SHFL: variants seen among roughly 807,000 people sequenced by gnomAD.
SHFL encodes the protein shiftless antiviral inhibitor of ribosomal frameshifting.
SHFL carries 12 observed loss-of-function variants against 34.7 expected under a neutral mutation model. The observed-to-expected ratio is 0.35, with a 90% CI of 0.22 to 0.56. The LOEUF is 0.56. Among genes scored for constraint, SHFL ranks in the 20% least tolerant of loss-of-function variants. The probability of loss-of-function intolerance (pLI) is 0.88; values close to 1 mark genes in which losing one functional copy is unlikely to be tolerated. For synonymous variants in SHFL, 148 were observed against 156.0 expected (o/e 0.95, Z 0.38); for missense variants, 278 against 411.1 (o/e 0.68, Z 2.80).
At position 10,089,706 on chromosome 19, in the gene SHFL, G is replaced by A; in HGVS notation, c.234+11G>A. The A allele has an allele frequency of 4.4e-6, 7 of 1,596,438 alleles. No homozygotes were observed. The highest frequency in any genetic ancestry group is 1.3e-5 in the African/African-American group (1 of 74,830). Reference sequence around the variant, plus strand: ...GACCGGGACATTCAGGTGAGTTGGTGGCTAGGGCTTGGGATGGGGGAGTTG... The same window carrying A: ...GACCGGGACATTCAGGTGAGTTGGTAGCTAGGGCTTGGGATGGGGGAGTTG... On this transcript the variant is annotated intron_variant, in intron 4 of 7. Coordinates refer to ENST00000253110, the MANE Select transcript of SHFL (RefSeq NM_018381.4).
At position 10,086,494 on chromosome 19, in the gene SHFL, C is replaced by T. The variant is rs758773953; in HGVS notation, c.21+46C>T. The T allele has an allele frequency of 4.5e-6, 6 of 1,341,232 alleles. No homozygotes were observed. The highest frequency in any genetic ancestry group is 9.6e-7 in the Non-Finnish European group (1 of 1,039,624). 83.1% of individuals were successfully genotyped at this position (1,341,232 alleles called of 1,614,324 possible). On this transcript the variant is annotated intron_variant, in intron 1 of 7. Transcript: ENST00000253110. The surrounding 1 kb of genome is among the most constrained non-coding windows in gnomAD (Gnocchi z 5.2). The stretch of plus-strand genomic sequence containing the variant: ...GGCCGGGGTCAGCCGCGACAGACCC[C>T]GAGGAGCGGCCGGGAGGCGCGGAGG...
Position 10,091,976 on chromosome 19 carries a change from C to T in SHFL, c.644-94C>T. On this transcript the variant is annotated intron_variant, in intron 7 of 7. Coordinates refer to ENST00000253110, the MANE Select transcript of SHFL (RefSeq NM_018381.4). The surrounding 1 kb of genome is among the most constrained non-coding windows in gnomAD (Gnocchi z 8.2). The stretch of plus-strand genomic sequence containing the variant: ...TGGTCCCCGTATCTGGTGGTCTCAG[C>T]TCCTCCCTAGAGCCCCGCGTGGCCT... 1.3e-6 allele frequency: 2 copies of T among 1,490,580 alleles called. No homozygotes were observed. The highest frequency in any genetic ancestry group is 4.5e-5 in the East Asian group (2 of 44,170). 92.3% of individuals were successfully genotyped at this position (1,490,580 alleles called of 1,614,324 possible). A position where few individuals can be genotyped will look rare whatever the true frequency, so the allele number is the denominator to read the frequency against.
Position 10,086,326 on chromosome 19 carries a change from C to T in SHFL, c.-102C>T. The stretch of plus-strand genomic sequence containing the variant: ...GGGCGGAGCCGGCCCCGAGGCACCG[C>T]CCCCTGCCCTGCGCGGCTGCTGGAC... On this transcript the variant is annotated 5_prime_UTR_variant, in exon 1 of 8. Transcript: ENST00000253110. The surrounding 1 kb of genome is among the most constrained non-coding windows in gnomAD (Gnocchi z 5.2). 9.2e-7 allele frequency: 1 copy of T among 1,090,592 alleles called. No individual in the cohort carries two copies. The allele number at this position is 1,090,592 out of a possible 1,614,324, so 67.6% of individuals were successfully genotyped here. A position where few individuals can be genotyped will look rare whatever the true frequency, so the allele number is the denominator to read the frequency against.
In SHFL at chr19:10,086,970, G is replaced by A. The variant is rs1419264567; in HGVS notation, c.63G>A (p.Gly21=). ...GGCGCCTCCGGGAGAAGTTTCATGGGAAGGTATCCTCCAAGAAGGCGGGGG... is the reference window on the plus strand; with the variant it reads ...GGCGCCTCCGGGAGAAGTTTCATGGAAAGGTATCCTCCAAGAAGGCGGGGG... ...SVRRLREKFH[G]KVSSKKAGAL... is the part of the protein sequence containing the mutation. Residue 21 remains glycine (G), a synonymous_variant, in exon 2 of 8, where the codon GGG becomes GGA. Coordinates refer to ENST00000253110, the MANE Select transcript of SHFL (RefSeq NM_018381.4). The surrounding 1 kb of genome is among the most constrained non-coding windows in gnomAD (Gnocchi z 5.2). 1.2e-6 allele frequency: 2 copies of A among 1,613,700 alleles called. No individual in the cohort carries two copies. Among genetic ancestry groups the A allele is most frequent in the Admixed American group, 1.7e-5 (1 of 59,992 alleles).
At chr19:10,088,356 A>G (rs1441674920) in intron 3 of SHFL, 1 of 150,024 alleles carries the variant, frequency 6.7e-6, no homozygotes, top group African/African-American at 2.5e-5. Context: ...TGAGGTCAGG[A>G]GATCGAGACC....
In SHFL at chr19:10,091,295, G is replaced by C. The variant is rs2145158498; in HGVS notation, c.430G>C (p.Ala144Pro). The change falls in exon 6 of 8, where the codon GCT (alanine) becomes CCT (proline). Residue 144 changes from alanine to proline, a missense_variant. Physicochemically the swap from Ala to Pro is conservative, Grantham distance 27 (BLOSUM62 -1). Around this residue, in one of 2 missense-constraint regions of SHFL, gnomAD observed 243 missense variants for 386.2 expected, o/e 0.63. Transcript: ENST00000253110. This position sits in a 1 kb window ranked among gnomAD's most constrained non-coding sequence, Gnocchi z 8.2. ...KCRKRYEPVP[A>P]DKMWGLAEFH... Reference sequence around the variant, plus strand: ...CCGGAAGCGCTACGAGCCAGTGCCAGCTGACAAGATGTGGGGCCTGGCTGA... The same window carrying C: ...CCGGAAGCGCTACGAGCCAGTGCCACCTGACAAGATGTGGGGCCTGGCTGA... The C allele has an allele frequency of 6.2e-7, 1 of 1,613,932 alleles. No homozygotes were observed. Among genetic ancestry groups the C allele is most frequent in the East Asian group, 2.2e-5 (1 of 44,888 alleles).
chr19:10,090,365 A>G (rs2088358700), intron 5 of SHFL: 3 of 299,022 alleles, frequency 1.0e-5, no homozygotes, highest in African/African-American at 6.4e-5. Context: ...TGGGAGGCTA[A>G]GTAGGGAGGA....
At position 10,087,721 on chromosome 19, in the gene SHFL, TGGGAGGTGGGGAA is replaced by T. The variant is rs565419263; in HGVS notation, c.195+425_195+437del. On this transcript the variant is annotated intron_variant, in intron 3 of 7. Transcript: ENST00000253110. ...GGGAGGGAATGGCATAAGCAAAGGC[TGGGAGGTGGGGAA>T]GGGTTGTTAGTGGCAGTCTCTAGAA... 1,111 of 198,772 alleles carry T rather than the reference TGGGAGGTGGGGAA, an allele frequency of 5.6e-3. 22 individuals carry two copies. The highest frequency in any genetic ancestry group is 0.032 in the Admixed American group (559 of 17,646). The allele number at this position is 198,772 out of a possible 1,614,324, so 12.3% of individuals were successfully genotyped here.
chr19:10,088,613 T>A (rs2088329317), intron 3 of SHFL, among the ~76,000 whole-genome samples: 1 of 151,050 alleles, frequency 6.6e-6, no homozygotes, highest in African/African-American at 2.4e-5. Flanking sequence ...AAAACATGTA[T>A]CATAGTCTAC....
At chr19:10,089,856 G>A (rs1009795139) in intron 4 of SHFL, 42 bp from the exon 5 acceptor site, 1 of 1,600,292 alleles carries the variant, frequency 6.2e-7, no homozygotes, top group Non-Finnish European at 8.5e-7. Context: ...TGCAGAAGGG[G>A]TGACACCCCC....
At position 10,091,760 on chromosome 19, in the gene SHFL, C is replaced by A; in HGVS notation, c.643+130C>A. On this transcript the variant is annotated intron_variant, in intron 7 of 7. Coordinates refer to ENST00000253110, the MANE Select transcript of SHFL (RefSeq NM_018381.4). This position sits in a 1 kb window ranked among gnomAD's most constrained non-coding sequence, Gnocchi z 8.2. ...ACTGCTTCCACATGGCCTCCATGAC[C>A]CCCCAGTCTCCGTGGTCTTGCCCAG... 2.4e-6 allele frequency: 3 copies of A among 1,275,938 alleles called. No individual in the cohort carries two copies. Among genetic ancestry groups the A allele is most frequent in the Non-Finnish European group, 2.1e-6 (2 of 943,802 alleles). 79.0% of individuals were successfully genotyped at this position (1,275,938 alleles called of 1,614,324 possible).
chr19:10,089,870 C>A (rs775429263), intron 4 of SHFL, 28 bp from the exon 5 acceptor site: 45 of 1,606,334 alleles, frequency 2.8e-5, no homozygotes, highest in Non-Finnish European at 2.2e-5. Context: ...CACCCCCCCA[C>A]CTCATCCCCA....
chr19:10,087,537 T>A, intron 3 of SHFL: 1 of 579,564 alleles, frequency 1.7e-6, no homozygotes, highest in East Asian at 3.0e-5. Flanking sequence ...GAGAGAGCCA[T>A]GAAACTAAGC....
rs2088394634 is a variant in SHFL, at chr19:10,091,758, AC to A, written c.643+134del. On this transcript the variant is annotated intron_variant, in intron 7 of 7. Coordinates refer to ENST00000253110, the MANE Select transcript of SHFL (RefSeq NM_018381.4). The surrounding 1 kb of genome is among the most constrained non-coding windows in gnomAD (Gnocchi z 8.2). ...CCACTGCTTCCACATGGCCTCCATG[AC>A]CCCCCAGTCTCCGTGGTCTTGCCCA... 8.6e-6 allele frequency: 11 copies of A among 1,281,032 alleles called. No individual in the cohort carries two copies. The highest frequency in any genetic ancestry group is 1.6e-5 in the South Asian group (1 of 62,714). 79.4% of individuals were successfully genotyped at this position (1,281,032 alleles called of 1,614,324 possible).
At chr19:10,090,082 TC>T in intron 5 of SHFL, 35 bp downstream of exon 5, 4 of 1,579,132 alleles carry the variant, frequency 2.5e-6, no homozygotes, top group Non-Finnish European at 2.6e-6. Context: ...ACTTTGACTG[TC>T]CCGAACTCCA....
Position 10,087,251 on chromosome 19 carries a change from G to A in SHFL, c.146G>A (p.Gly49Glu). ...CCCTTATATGCACTCTCCCCCGCAG[G>A]GGTAAAGCAAAAAGATGGCCAAGAA... Reference protein sequence around the residue: ...HTGVGRSIVYGVKQKDGQELS... With the variant: ...HTGVGRSIVYEVKQKDGQELS... Residue 49 changes from glycine (G) to glutamate (E), a missense_variant and splice_region_variant, in exon 3 of 8, where the codon GGG becomes GAG. This residue lies in a region of SHFL where 243 missense variants were observed against 386.2 expected (regional missense o/e 0.63). Transcript: ENST00000253110. 2 of 1,614,054 alleles carry A rather than the reference G, an allele frequency of 1.2e-6. No homozygotes were observed. Among genetic ancestry groups the A allele is most frequent in the Non-Finnish European group, 1.7e-6 (2 of 1,179,898 alleles).
rs772597350 is a variant in SHFL at position 10,089,338 on chromosome 19, T to C, written c.196-319T>C. The C allele has an allele frequency of 2.5e-6, 4 of 1,598,498 alleles. No homozygotes were observed. The Admixed American group carries it at 5.0e-5, about 20-fold the overall frequency. ...ACAACGTGGCCTCAAAGGGGCGATA[T>C]GTCACAACATCAACAAGCATGTGGC... On this transcript the variant is annotated intron_variant, in intron 3 of 7. Coordinates refer to ENST00000253110, the MANE Select transcript of SHFL (RefSeq NM_018381.4).
chr19:10,090,612 T>TTGTG (rs995149049), intron 5 of SHFL, among the ~76,000 whole-genome samples: 3 of 151,062 alleles, frequency 2.0e-5, no homozygotes, highest in Non-Finnish European at 3.0e-5. Flanking sequence ...TTTTTGTATT[T>TTGTG]TGTGTGTGTG....
intron 3 of SHFL, chr19:10,087,923 G>A (rs1006169253): frequency 1.3e-5 from 2 of 159,154 alleles, no homozygotes; most frequent in Non-Finnish European, 2.8e-5. Flanking sequence ...TGATGGGAAC[G>A]CTGTGGATTT....
Sources: gnomAD v4.1 joint callset for allele counts (sites outside exome capture counted in the v4.1 genomes callset) on GRCh38, gnomAD v4.1.1 for gene constraint, gnomAD v4.1.1 regional missense constraint, Gnocchi (gnomAD v3.1) non-coding constraint, MANE v1.5 for transcripts, NCBI Gene and HGNC (gene_info 2026-07-23, HGNC 2026-07-21) for gene names.